AGPAT4: variants seen among roughly 807,000 people sequenced by gnomAD.
The protein encoded by AGPAT4 is 1-acyl-sn-glycerol-3-phosphate acyltransferase delta.
A neutral mutation model predicts 48.0 loss-of-function variants in AGPAT4; 15 were observed. The observed-to-expected ratio is 0.31, with a 90% CI of 0.21 to 0.48. AGPAT4 has a LOEUF of 0.48. Among genes scored for constraint, AGPAT4 ranks in the 20% least tolerant of loss-of-function variants. The pLI is 0.99. For missense variants in AGPAT4, 314 were observed against 482.5 expected (o/e 0.65, Z 3.27); for synonymous variants, 178 against 198.7 (o/e 0.90, Z 0.88).
rs1460483378 is a variant in AGPAT4, at chr6:161,214,788, A to ATAAC, written c.178+17247_178+17248insGTTA. ...CGTCTCAAAATAAATAAATAAATAA[A>ATAAC]TAATAAAATAAACATAGAAAAGGCA... On this transcript the variant is annotated intron_variant, in intron 2 of 8. Transcript: ENST00000320285. The surrounding 1 kb of genome is among the most constrained non-coding windows in gnomAD (Gnocchi z 5.4). Among the ~76,000 whole-genome samples the ATAAC allele has an allele frequency of 6.6e-6, 1 of 152,164 alleles. No homozygotes were observed. The highest frequency in any genetic ancestry group is 1.5e-5 in the Non-Finnish European group (1 of 68,026).
In AGPAT4 at chr6:161,202,145, C is replaced by T. The variant is rs7758778; in HGVS notation, c.178+29891G>A. 0.48 allele frequency among the ~76,000 whole-genome samples: 72,873 copies of T among 151,870 alleles called. 19,004 individuals are homozygous for T. Among genetic ancestry groups the T allele is most frequent in the African/African-American group, 0.7 (28,936 of 41,408 alleles). ...TTGCTCATAACCAAAATATGATGGC[C>T]CAAAATAACAAAAACACTTATTATC... On this transcript the variant is annotated intron_variant, in intron 2 of 8. Coordinates refer to ENST00000320285, the MANE Select transcript of AGPAT4 (RefSeq NM_020133.3). The surrounding 1 kb of genome is among the most constrained non-coding windows in gnomAD (Gnocchi z 5.4).
chr6:161,176,898 T>C (rs1001257173), intron 2 of AGPAT4, among the ~76,000 whole-genome samples: 1 of 152,214 alleles, frequency 6.6e-6, no homozygotes, highest in Non-Finnish European at 1.5e-5. Flanking sequence ...CCTTTACTTA[T>C]GAAGCTTAGT....
In AGPAT4 at chr6:161,198,402, G is replaced by C. The variant is rs553124068; in HGVS notation, c.179-31985C>G. 1.3e-5 allele frequency among the ~76,000 whole-genome samples: 2 copies of C among 152,318 alleles called. No individual in the cohort carries two copies. The highest frequency in any genetic ancestry group is 3.9e-4 in the East Asian group (2 of 5,188). Reference sequence around the variant, plus strand: ...AGGGGGATGCTATTCATTAAGGGTAGGAGCCAGAGATGCTGTTAAGCATCC... The same window carrying C: ...AGGGGGATGCTATTCATTAAGGGTACGAGCCAGAGATGCTGTTAAGCATCC... On this transcript the variant is annotated intron_variant, in intron 2 of 8. Transcript: ENST00000320285. The surrounding 1 kb of genome is among the most constrained non-coding windows in gnomAD (Gnocchi z 4.3).
At position 161,183,303 on chromosome 6, in the gene AGPAT4, G is replaced by C. The variant is rs182837675; in HGVS notation, c.179-16886C>G. ...CTAGTGGCCAAGCAATAAACACACA[G>C]ACAGTCACATAACTATAGAAAGTGC... On this transcript the variant is annotated intron_variant, in intron 2 of 8. Coordinates refer to ENST00000320285, the MANE Select transcript of AGPAT4 (RefSeq NM_020133.3). Among the ~76,000 whole-genome samples the C allele has an allele frequency of 2.0e-5, 3 of 152,084 alleles. No individual in the cohort carries two copies. The East Asian group carries it at 5.9e-4, about 30-fold the overall frequency.
In AGPAT4 at chr6:161,142,915, C is replaced by G. The variant is rs1028710932; in HGVS notation, c.844-3295G>C. ...TGCCCTTATGGTTTAAGTGAAAAAACAATTGCCAGTCCCCAAAATGGTTCT... is the reference window on the plus strand; with the variant it reads ...TGCCCTTATGGTTTAAGTGAAAAAAGAATTGCCAGTCCCCAAAATGGTTCT... On this transcript the variant is annotated intron_variant, in intron 7 of 8. Coordinates refer to ENST00000320285, the MANE Select transcript of AGPAT4 (RefSeq NM_020133.3). The surrounding 1 kb of genome is among the most constrained non-coding windows in gnomAD (Gnocchi z 6.4). 1.3e-5 allele frequency among the ~76,000 whole-genome samples: 2 copies of G among 152,220 alleles called. No homozygotes were observed. The highest frequency in any genetic ancestry group is 4.8e-5 in the African/African-American group (2 of 41,458).
rs1780855272 is a variant in AGPAT4 at position 161,189,237 on chromosome 6, A to G, written c.179-22820T>C. Among the ~76,000 whole-genome samples, 1 of 152,090 alleles carries G rather than the reference A, an allele frequency of 6.6e-6. No homozygotes were observed. Among genetic ancestry groups the G allele is most frequent in the Non-Finnish European group, 1.5e-5 (1 of 68,020 alleles). ...GGGAAGACCAAGGCCAGGAATTAGG[A>G]GGCTTTCCCATCTGCGGACTGTCCT... On this transcript the variant is annotated intron_variant, in intron 2 of 8. Transcript: ENST00000320285. The surrounding 1 kb of genome is among the most constrained non-coding windows in gnomAD (Gnocchi z 5.3).
chr6:161,153,620 G>T (rs975051162), intron 4 of AGPAT4, 121 bp from the exon 5 acceptor site: 43 of 1,242,038 alleles, frequency 3.5e-5, no homozygotes, highest in Admixed American at 4.3e-5. Context: ...ATCACACAGG[G>T]CCCCATGGTT....
chr6:161,181,077 T>A (rs1226895137), intron 2 of AGPAT4, among the ~76,000 whole-genome samples: 1 of 152,162 alleles, frequency 6.6e-6, no homozygotes, highest in Non-Finnish European at 1.5e-5. Flanking sequence ...GGGTCTGGTT[T>A]TTATTAATAA....
In AGPAT4 at chr6:161,216,612, G is replaced by T. The variant is rs1191341900; in HGVS notation, c.178+15424C>A. ...GTTTTCACACTGCTGCTGAAGACAT[G>T]CCCGAAACGAAACCAAAAAAGGTTT... On this transcript the variant is annotated intron_variant, in intron 2 of 8. Coordinates refer to ENST00000320285, the MANE Select transcript of AGPAT4 (RefSeq NM_020133.3). This position sits in a 1 kb window ranked among gnomAD's most constrained non-coding sequence, Gnocchi z 4.8. Among the ~76,000 whole-genome samples the T allele has an allele frequency of 6.6e-6, 1 of 152,136 alleles. No individual in the cohort carries two copies. Among genetic ancestry groups the T allele is most frequent in the East Asian group, 1.9e-4 (1 of 5,194 alleles).
chr6:161,152,581 C>G (rs1245686426), intron 5 of AGPAT4, among the ~76,000 whole-genome samples: 2 of 152,086 alleles, frequency 1.3e-5, no homozygotes, highest in Non-Finnish European at 2.9e-5. Flanking sequence ...GAGTTCGGGG[C>G]CCCCTGCCCT....
intron 7 of AGPAT4, among the ~76,000 whole-genome samples, chr6:161,145,420 C>T (rs1779390516): frequency 6.6e-6 from 1 of 151,562 alleles, no homozygotes; most frequent in Non-Finnish European, 1.5e-5. Flanking sequence ...GGCCCACATG[C>T]CAGCTCTGTG....
rs1317482790 is a variant in AGPAT4 at position 161,153,388 on chromosome 6, T to C, written c.622A>G (p.Thr208Ala). Residue 208 changes from threonine (T) to alanine (A), a missense_variant, in exon 5 of 9, where the codon ACC becomes GCC. By Grantham distance (58) the Thr-to-Ala change is moderately conservative. Transcript: ENST00000320285. ...PRLKHHLLPR[T>A]KGFAITVRSL... is the part of the protein sequence containing the mutation. ...CTCACGGTGATGGCGAAGCCCTTGG[T>C]TCGTGGCAACAGGTGATGCTTGAGG... 1 of 1,610,934 alleles carries C rather than the reference T, an allele frequency of 6.2e-7. No homozygotes were observed. Among genetic ancestry groups the C allele is most frequent in the East Asian group, 2.2e-5 (1 of 44,832 alleles).
In AGPAT4 at chr6:161,255,998, G is replaced by A. The variant is rs1782933301; in HGVS notation, c.-90+17940C>T. On this transcript the variant is annotated intron_variant, in intron 1 of 8. Coordinates refer to ENST00000320285, the MANE Select transcript of AGPAT4 (RefSeq NM_020133.3). The surrounding 1 kb of genome is among the most constrained non-coding windows in gnomAD (Gnocchi z 4.7). ...ATGTCAACACATAGAGGGACATGCT[G>A]TTTAGATGAAGGAAATGAGCTGCAG... Among the ~76,000 whole-genome samples the A allele has an allele frequency of 6.6e-6, 1 of 152,040 alleles. No homozygotes were observed. Among genetic ancestry groups the A allele is most frequent in the African/African-American group, 2.4e-5 (1 of 41,380 alleles).
In AGPAT4 at chr6:161,141,132, CCA is replaced by C. The variant is rs1234167315; in HGVS notation, c.844-1514_844-1513del. Among the ~76,000 whole-genome samples, 1 of 152,012 alleles carries C rather than the reference CCA, an allele frequency of 6.6e-6. No individual in the cohort carries two copies. Among genetic ancestry groups the C allele is most frequent in the Non-Finnish European group, 1.5e-5 (1 of 68,014 alleles). ...TCTCAGAGGCACTTTTAATAATAGT[CCA>C]CACACTAGGCCATTTTGGAAGGAGA... On this transcript the variant is annotated intron_variant, in intron 7 of 8. Coordinates refer to ENST00000320285, the MANE Select transcript of AGPAT4 (RefSeq NM_020133.3). The surrounding 1 kb of genome is among the most constrained non-coding windows in gnomAD (Gnocchi z 6.7).
At chr6:161,174,526 T>C (rs1780373735) in intron 2 of AGPAT4, among the ~76,000 whole-genome samples, 1 of 152,230 alleles carries the variant, frequency 6.6e-6, no homozygotes. Context: ...ACGTTGTTTA[T>C]CAGCTTAAGG....
Position 161,219,439 on chromosome 6 carries a change from C to T in AGPAT4, c.178+12597G>A, listed in dbSNP as rs1458492328. On this transcript the variant is annotated intron_variant, in intron 2 of 8. Transcript: ENST00000320285. This position sits in a 1 kb window ranked among gnomAD's most constrained non-coding sequence, Gnocchi z 4.9. ...GCTCTCAGGTTTGTTTTTTCTATAC[C>T]CCAATGGCTTGTCTTGTTTACCTCC... is the stretch of plus-strand genomic sequence containing the variant. Among the ~76,000 whole-genome samples the T allele has an allele frequency of 6.6e-6, 1 of 151,460 alleles. No homozygotes were observed. The highest frequency in any genetic ancestry group is 1.5e-5 in the Non-Finnish European group (1 of 67,930).
At chr6:161,248,565 C>A in intron 1 of AGPAT4, among the ~76,000 whole-genome samples, 1 of 109,676 alleles carries the variant, frequency 9.1e-6, no homozygotes. Context: ...CAGCGAGACT[C>A]TGTCTCAAAA....
At chr6:161,230,317 A>G (rs2115034963) in intron 2 of AGPAT4, among the ~76,000 whole-genome samples, 2 of 152,342 alleles carry the variant, frequency 1.3e-5, no homozygotes, top group South Asian at 4.1e-4. Context: ...ATGACAGTAG[A>G]AACATACAGG....
rs556828855 is a variant in AGPAT4, at chr6:161,233,998, T to C, written c.-89-1696A>G. Among the ~76,000 whole-genome samples the C allele has an allele frequency of 2.0e-3, 300 of 152,270 alleles. 1 individual carries two copies. The highest frequency in any genetic ancestry group is 3.4e-3 in the Non-Finnish European group (234 of 68,028). ...CACAATCGGTAACTGATCTTGGGGC[T>C]CAGTTTTAACTCCGAGCTCTTTCTC... On this transcript the variant is annotated intron_variant, in intron 1 of 8. Transcript: ENST00000320285. This position sits in a 1 kb window ranked among gnomAD's most constrained non-coding sequence, Gnocchi z 5.4.
Sources: gnomAD v4.1 joint callset for allele counts (sites outside exome capture counted in the v4.1 genomes callset) on GRCh38, gnomAD v4.1.1 for gene constraint, Gnocchi (gnomAD v3.1) non-coding constraint, MANE v1.5 for transcripts, NCBI Gene and HGNC (gene_info 2026-07-23, HGNC 2026-07-21) for gene names.